FBRSL1: variants seen among roughly 807,000 people sequenced by gnomAD.
FBRSL1 encodes the protein fibrosin like 1.
In FBRSL1, 51 loss-of-function variants were observed where a neutral mutation model predicts 89.6. The ratio of observed to expected loss-of-function variants is 0.57; its 90% CI spans 0.45 to 0.72. The LOEUF is 0.72. Among genes scored for constraint, FBRSL1 ranks in the 30% least tolerant of loss-of-function variants. The pLI is 0.00. For synonymous variants in FBRSL1, 779 were observed against 681.1 expected (o/e 1.14, Z -2.24); for missense variants, 1,618 against 1,451.8 (o/e 1.11, Z -1.86).
chr12:132,566,886 C>T (rs561436089), intron 5 of FBRSL1, among the ~76,000 whole-genome samples: 5 of 151,674 alleles, frequency 3.3e-5, no homozygotes, highest in South Asian at 2.1e-4. Context: ...AGGCACATAG[C>T]GCGGTGTCCT....
intron 1 of FBRSL1, among the ~76,000 whole-genome samples, chr12:132,503,457 C>T (rs1182260594): frequency 6.6e-6 from 1 of 152,236 alleles, no homozygotes; most frequent in Non-Finnish European, 1.5e-5. Flanking sequence ...ACATGGGACG[C>T]CCTGGGCGGG....
In FBRSL1 at chr12:132,582,966, C is replaced by T. The variant is rs886418635; in HGVS notation, c.2202-5C>T. 2 of 1,414,516 alleles carry T rather than the reference C, an allele frequency of 1.4e-6. No homozygotes were observed. Among genetic ancestry groups the T allele is most frequent in the Non-Finnish European group, 1.8e-6 (2 of 1,093,570 alleles). 87.6% of individuals were successfully genotyped at this position (1,414,516 alleles called of 1,614,324 possible). ...GGAGTGACGGGTCCGCCCTGCCGCC[C>T]CCAGGGACCTCCTGGAGAAGACGCG... On this transcript the variant is annotated splice_polypyrimidine_tract_variant and splice_region_variant and intron_variant, in intron 18 of 18. Coordinates refer to ENST00000680143, the MANE Select transcript of FBRSL1 (RefSeq NM_001367871.1).
At chr12:132,536,481 T>G (rs879558693) in intron 4 of FBRSL1, among the ~76,000 whole-genome samples, 1 of 151,178 alleles carries the variant, frequency 6.6e-6, no homozygotes, top group Non-Finnish European at 1.5e-5. Context: ...TGAATGCACA[T>G]GTACATGAAG....
intron 10 of FBRSL1, 56 bp downstream of exon 10, chr12:132,572,400 G>T: frequency 6.5e-7 from 1 of 1,537,438 alleles, no homozygotes. Context: ...TCCTGGCCAC[G>T]GGGCGGTGGG....
chr12:132,517,725 G>A (rs1236972770), intron 2 of FBRSL1, among the ~76,000 whole-genome samples: 3 of 152,200 alleles, frequency 2.0e-5, no homozygotes, highest in African/African-American at 7.2e-5. Flanking sequence ...GGGCAGACAG[G>A]GCTAAGGAGG....
intron 5 of FBRSL1, among the ~76,000 whole-genome samples, chr12:132,560,952 C>T (rs1013612598): frequency 2.0e-5 from 3 of 152,196 alleles, no homozygotes; most frequent in Non-Finnish European, 2.9e-5. Flanking sequence ...CTGCCAGAAG[C>T]CCTGTCCTAG....
chr12:132,582,643 G>A (rs1426977710), intron 18 of FBRSL1, among the ~76,000 whole-genome samples: 1 of 152,062 alleles, frequency 6.6e-6, no homozygotes, highest in Non-Finnish European at 1.5e-5. Flanking sequence ...AGGTGGCCGC[G>A]CCCTGACCCA....
intron 2 of FBRSL1, chr12:132,509,314 C>A: frequency 3.2e-6 from 4 of 1,248,414 alleles, no homozygotes; most frequent in Non-Finnish European, 4.0e-6. Flanking sequence ...CCTGGGCAGC[C>A]CTGCCAGCCC....
intron 4 of FBRSL1, among the ~76,000 whole-genome samples, chr12:132,530,491 G>A (rs997212879): frequency 5.3e-5 from 8 of 151,868 alleles, no homozygotes; most frequent in African/African-American, 1.9e-4. Context: ...AGGTGTGCAC[G>A]TGGCCACCTC....
At chr12:132,510,344 C>A in intron 2 of FBRSL1, 1 of 1,231,638 alleles carries the variant, frequency 8.1e-7, no homozygotes, top group Non-Finnish European at 1.0e-6. Context: ...GGCTCTCGCT[C>A]CTGGCCCTGG....
At chr12:132,557,884 G>A (rs757635635) in intron 5 of FBRSL1, among the ~76,000 whole-genome samples, 10 of 152,216 alleles carry the variant, frequency 6.6e-5, no homozygotes, top group Non-Finnish European at 1.3e-4. Context: ...AGCTTCTCAG[G>A]GGGCTGAGGA....
rs1453807103 is a variant in FBRSL1, at chr12:132,584,279, AAAT to A, written c.*508_*510del. On this transcript the variant is annotated 3_prime_UTR_variant, in exon 19 of 19. Transcript: ENST00000680143. ...GGAACCGAAGTTACAGATTATATTA[AAAT>A]AATAATGTACAAAACTTTGTTTTTT... 6.6e-5 allele frequency: 10 copies of A among 152,176 alleles called. No individual in the cohort carries two copies. The highest frequency in any genetic ancestry group is 2.4e-4 in the African/African-American group (10 of 41,436). 9.4% of individuals were successfully genotyped at this position (152,176 alleles called of 1,614,324 possible).
chr12:132,555,171 G>A (rs976774897), intron 5 of FBRSL1, among the ~76,000 whole-genome samples: 3 of 152,162 alleles, frequency 2.0e-5, no homozygotes, highest in Admixed American at 1.3e-4. Flanking sequence ...GGGGAGGTAC[G>A]TGTTTCCTGT....
intron 4 of FBRSL1, among the ~76,000 whole-genome samples, chr12:132,535,093 A>G (rs2036596519): frequency 1.3e-5 from 2 of 152,236 alleles, no homozygotes; most frequent in African/African-American, 2.4e-5. Flanking sequence ...CTGAAATCCA[A>G]TTATGAGAAC....
At chr12:132,549,330 G>A (rs999854943) in intron 5 of FBRSL1, among the ~76,000 whole-genome samples, 1 of 152,146 alleles carries the variant, frequency 6.6e-6, no homozygotes, top group Admixed American at 6.5e-5. Flanking sequence ...CGTCCTGGTG[G>A]TCACAAAGCC....
At chr12:132,509,898 T>G (rs1408056646) in intron 2 of FBRSL1, 4 of 1,231,172 alleles carry the variant, frequency 3.2e-6, no homozygotes, top group Non-Finnish European at 4.0e-6. Context: ...AGGACAGTGC[T>G]GCTGCCCCCG....
chr12:132,504,513 T>A (rs1195558126), intron 1 of FBRSL1, among the ~76,000 whole-genome samples: 4 of 152,072 alleles, frequency 2.6e-5, no homozygotes, highest in Non-Finnish European at 5.9e-5. Context: ...GGCAGTGGCG[T>A]TGCGCAGGGA....
intron 2 of FBRSL1, among the ~76,000 whole-genome samples, chr12:132,515,923 TAATAAG>T (rs1403910294): frequency 7.6e-6 from 1 of 132,408 alleles, no homozygotes; most frequent in Non-Finnish European, 1.6e-5. Flanking sequence ...AAAAAAAAAT[TAATAAG>T]GTAGGAAACA....
At chr12:132,523,028 G>T (rs568651190) in intron 2 of FBRSL1, among the ~76,000 whole-genome samples, 2 of 152,316 alleles carry the variant, frequency 1.3e-5, no homozygotes, top group Non-Finnish European at 2.9e-5. Context: ...ACAGATAGGT[G>T]GGCAGACCAC....
Sources: allele counts gnomAD v4.1 joint callset (sites outside exome capture counted in the v4.1 genomes callset), GRCh38; gene constraint gnomAD v4.1.1; transcripts MANE v1.5; gene names NCBI Gene and HGNC (gene_info 2026-07-23, HGNC 2026-07-21).